The following IGF2 variants were observed in gnomAD, a reference collection of about 807,000 sequenced individuals.
IGF2 encodes the protein insulin-like growth factor 2.
Under a neutral mutation model 12.0 loss-of-function variants are expected in IGF2, and 2 were observed. That is an observed-to-expected ratio of 0.17 (90% CI 0.07 to 0.52). IGF2 has a LOEUF of 0.52. Ranked by LOEUF, IGF2 falls within the 20% of genes least tolerant of loss-of-function variation. IGF2 has a pLI of 0.95. For synonymous variants in IGF2, 105 were observed against 110.1 expected, an observed-to-expected ratio of 0.95 and a Z score of 0.29; for missense variants, 211 against 268.0, an observed-to-expected ratio of 0.79 and a Z score of 1.48.
chr11:2,147,709 G>A, the IGF2 span: 4 of 1,249,760 alleles, frequency 3.2e-6, no homozygotes, highest in Non-Finnish European at 4.0e-6. The surrounding 1 kb of genome is among the most constrained non-coding windows in gnomAD (Gnocchi z 7.2). Flanking sequence ...CTGTGGGGCA[G>A]GCTGGGCAGG....
At chr11:2,135,159 C>T (rs193110737) in intron 2 of IGF2, among the ~76,000 whole-genome samples, 68 of 152,296 alleles carry the variant, frequency 4.5e-4, no homozygotes, top group African/African-American at 1.6e-3. Flanking sequence ...GCCCACCCTT[C>T]GAAGGAGGCG....
In IGF2 at chr11:2,139,276, C is replaced by G. The variant is rs1352316605; in HGVS notation, c.-1054G>C. 5.2e-5 allele frequency: 7 copies of G among 135,576 alleles called. No individual in the cohort carries two copies. The highest frequency in any genetic ancestry group is 7.8e-5 in the Non-Finnish European group (5 of 64,428). The allele number at this position is 135,576 out of a possible 1,614,324, so 8.4% of individuals were successfully genotyped here. A position where few individuals can be genotyped will look rare whatever the true frequency, so the allele number is the denominator to read the frequency against. ...GGCGTCGACGCGGGGCCGCCTTGCC[C>G]GATGGAGGCGCTGGTGGGCAGAGCG... is the stretch of plus-strand genomic sequence containing the variant. On this transcript the variant is annotated 5_prime_UTR_variant, in exon 1 of 4. Coordinates refer to ENST00000416167, the MANE Select transcript of IGF2 (RefSeq NM_000612.6).
the IGF2 span, chr11:2,146,294 T>C: frequency 3.7e-6 from 2 of 535,872 alleles, no homozygotes. Flanking sequence ...AAGCCCAGCA[T>C]TTTACAAACC....
chr11:2,148,867 C>G, the IGF2 span: 7 of 539,126 alleles, frequency 1.3e-5, no homozygotes, highest in East Asian at 2.1e-4. This position sits in a 1 kb window ranked among gnomAD's most constrained non-coding sequence, Gnocchi z 4.3. Context: ...TCAAGGAAAA[C>G]CTATTTTCCT....
upstream of IGF2, among the ~76,000 whole-genome samples, chr11:2,144,392 T>G (rs1227946254): frequency 6.6e-6 from 1 of 152,134 alleles, no homozygotes; most frequent in Non-Finnish European, 1.5e-5. Context: ...GCACCCCCGG[T>G]GGCCACCTCC....
In IGF2 at chr11:2,139,051, G is replaced by T; in HGVS notation, c.-829C>A. 2.0e-6 allele frequency: 1 copy of T among 491,856 alleles called. No homozygotes were observed. The highest frequency in any genetic ancestry group is 2.5e-6 in the Non-Finnish European group (1 of 393,824). The allele number at this position is 491,856 out of a possible 1,614,324, so 30.5% of individuals were successfully genotyped here. A position where few individuals can be genotyped will look rare whatever the true frequency, so the allele number is the denominator to read the frequency against. Reference sequence around the variant, plus strand: ...GAGGCTGCGCGCCGGGGGGAGGGCTGGAGGGGGAGCGCGGGGGGGGGTGAC... The same window carrying T: ...GAGGCTGCGCGCCGGGGGGAGGGCTTGAGGGGGAGCGCGGGGGGGGGTGAC... On this transcript the variant is annotated 5_prime_UTR_variant, in exon 1 of 4. Transcript: ENST00000416167.
upstream of IGF2, chr11:2,140,371 ACCCCGCCAGCC>A (rs1859478196): frequency 7.3e-7 from 1 of 1,368,158 alleles, no homozygotes; most frequent in Non-Finnish European, 9.9e-7. Context: ...AAAATCCCGC[ACCCCGCCAGCC>A]CCCCGCCGCC....
At position 2,137,130 on chromosome 11, in the gene IGF2, C is replaced by T. The variant is rs78648350; in HGVS notation, c.-7+1099G>A. The T allele has an allele frequency of 6.1e-3, 4,426 of 725,542 alleles. 18 individuals are homozygous for T. The highest frequency in any genetic ancestry group is 0.014 in the Middle Eastern group (21 of 1,458). The allele number at this position is 725,542 out of a possible 1,614,324, so 44.9% of individuals were successfully genotyped here. A position where few individuals can be genotyped will look rare whatever the true frequency, so the allele number is the denominator to read the frequency against. On this transcript the variant is annotated intron_variant, in intron 1 of 3. Coordinates refer to ENST00000416167, the MANE Select transcript of IGF2 (RefSeq NM_000612.6). ...AGGCGTGGGCCGTGCCCCCTGCTGC[C>T]CTGCCTCAGGCTGGAGTGGGATGGC...
Position 2,135,211 on chromosome 11 carries a change from G to A in IGF2, c.157+156C>T, listed in dbSNP as rs114122408. ...GCTGGTGTGGATGCCCTGGGACACC[G>A]CACGTGCTCAGAAACGCGGCGGGAA... On this transcript the variant is annotated intron_variant, in intron 2 of 3. Transcript: ENST00000416167. Among the ~76,000 whole-genome samples the A allele has an allele frequency of 2.9e-3, 441 of 152,328 alleles. 4 individuals are homozygous for A. The highest frequency in any genetic ancestry group is 0.01 in the African/African-American group (418 of 41,574).
upstream of IGF2, chr11:2,146,099 A>G (rs1006501271): frequency 7.0e-6 from 3 of 430,480 alleles, no homozygotes; most frequent in Non-Finnish European, 1.4e-5. Context: ...GCAAACCCAC[A>G]TTCCACAGAG....
Position 2,138,270 on chromosome 11 carries a change from T to C in IGF2, c.-48A>G. 1.0e-6 allele frequency: 1 copy of C among 984,924 alleles called. No individual in the cohort carries two copies. The allele number at this position is 984,924 out of a possible 1,614,324, so 61.0% of individuals were successfully genotyped here. A position where few individuals can be genotyped will look rare whatever the true frequency, so the allele number is the denominator to read the frequency against. ...CTGCCGCCCACCTCCCTGCTGCGTG[T>C]CGCAAACCGAACAGCGGGCGTTGGC... On this transcript the variant is annotated 5_prime_UTR_variant, in exon 1 of 4. Transcript: ENST00000416167.
In IGF2 at chr11:2,129,782, C is replaced by T. The variant is rs189306072; in HGVS notation, c.*3205G>A. The T allele has an allele frequency of 3.0e-5, 7 of 231,804 alleles. No individual in the cohort carries two copies. Among genetic ancestry groups the T allele is most frequent in the African/African-American group, 8.8e-5 (4 of 45,356 alleles). 14.4% of individuals were successfully genotyped at this position (231,804 alleles called of 1,614,324 possible). The stretch of plus-strand genomic sequence containing the variant: ...GGCCTCTAGACTGCTAGTCGGGCTG[C>T]GTGCAGGGGGGCTGAGCTGGGGGCA... On this transcript the variant is annotated 3_prime_UTR_variant, in exon 4 of 4. Coordinates refer to ENST00000416167, the MANE Select transcript of IGF2 (RefSeq NM_000612.6). This position sits in a 1 kb window ranked among gnomAD's most constrained non-coding sequence, Gnocchi z 8.1.
rs557767594 is a variant in IGF2, at chr11:2,129,547, G to C, written c.*3440C>G. On this transcript the variant is annotated 3_prime_UTR_variant, in exon 4 of 4. Transcript: ENST00000416167. This position sits in a 1 kb window ranked among gnomAD's most constrained non-coding sequence, Gnocchi z 8.1. ...GGTGGGTGGGTGTCCTGACGAATGG[G>C]CAGGTAATTTGGGGTGCCTCGAAGC... 1 of 228,156 alleles carries C rather than the reference G, an allele frequency of 4.4e-6. No homozygotes were observed. The highest frequency in any genetic ancestry group is 6.3e-5 in the East Asian group (1 of 15,986). 14.1% of individuals were successfully genotyped at this position (228,156 alleles called of 1,614,324 possible). A position where few individuals can be genotyped will look rare whatever the true frequency, so the allele number is the denominator to read the frequency against.
At chr11:2,134,050 C>T in intron 2 of IGF2, 3 of 423,624 alleles carry the variant, frequency 7.1e-6, no homozygotes, top group Non-Finnish European at 9.3e-6. Flanking sequence ...TGTCCCTGAG[C>T]TTGGACTCTG....
rs1055887176 is a variant in IGF2, at chr11:2,129,394, G to C, written c.*3593C>G. ...ATGGAGAGCCACGACTAGGCACGGA[G>C]GTCAGACAGGCAGCCCGGGCCAGGA... On this transcript the variant is annotated 3_prime_UTR_variant, in exon 4 of 4. Coordinates refer to ENST00000416167, the MANE Select transcript of IGF2 (RefSeq NM_000612.6). The surrounding 1 kb of genome is among the most constrained non-coding windows in gnomAD (Gnocchi z 8.1). 4.4e-6 allele frequency: 1 copy of C among 229,234 alleles called. No individual in the cohort carries two copies. The highest frequency in any genetic ancestry group is 8.7e-6 in the Non-Finnish European group (1 of 115,498). 14.2% of individuals were successfully genotyped at this position (229,234 alleles called of 1,614,324 possible).
At chr11:2,146,420 G>A in the IGF2 span, 1 of 533,608 alleles carries the variant, frequency 1.9e-6, no homozygotes, top group Non-Finnish European at 3.8e-6. Context: ...ACACTCGCTG[G>A]CGTCAGCCCG....
At chr11:2,140,071 C>A (rs993943129), upstream of IGF2, 7 of 1,539,020 alleles carry the variant, frequency 4.5e-6, no homozygotes, top group Non-Finnish European at 6.2e-6. Flanking sequence ...AGGCTTGGAG[C>A]CTACGGAGGC....
rs1182706214 is a variant in IGF2 at position 2,131,718 on chromosome 11, CGT to C, written c.*1267_*1268del. On this transcript the variant is annotated 3_prime_UTR_variant, in exon 4 of 4. Coordinates refer to ENST00000416167, the MANE Select transcript of IGF2 (RefSeq NM_000612.6). ...GTGTGTGTGCTGTGTGTGCTGTGTT[CGT>C]GTGTGCTGTGTTCGCGTGTGTGTGC... 1.8e-5 allele frequency: 2 copies of C among 108,520 alleles called. No homozygotes were observed. Among genetic ancestry groups the C allele is most frequent in the Non-Finnish European group, 3.4e-5 (2 of 58,198 alleles). 6.7% of individuals were successfully genotyped at this position (108,520 alleles called of 1,614,324 possible).
At position 2,131,225 on chromosome 11, in the gene IGF2, C is replaced by T. The variant is rs1858524552; in HGVS notation, c.*1762G>A. On this transcript the variant is annotated 3_prime_UTR_variant, in exon 4 of 4. Coordinates refer to ENST00000416167, the MANE Select transcript of IGF2 (RefSeq NM_000612.6). ...GGTGTATCCCAAATGCCGCCGGCCG[C>T]ACACTCAGGCCGCACCATCTGAGCC... 1 of 233,188 alleles carries T rather than the reference C, an allele frequency of 4.3e-6. No homozygotes were observed. The highest frequency in any genetic ancestry group is 2.2e-5 in the African/African-American group (1 of 45,346). 14.4% of individuals were successfully genotyped at this position (233,188 alleles called of 1,614,324 possible).
Sources: gnomAD v4.1 joint callset for allele counts (sites outside exome capture counted in the v4.1 genomes callset) on GRCh38, gnomAD v4.1.1 for gene constraint, Gnocchi (gnomAD v3.1) non-coding constraint, MANE v1.5 for transcripts, NCBI Gene and HGNC (gene_info 2026-07-23, HGNC 2026-07-21) for gene names.